Variants in ATF1 observed in about 807,000 individuals in gnomAD.
The protein encoded by ATF1 is activating transcription factor 1.
ATF1 carries 16 observed loss-of-function variants against 34.7 expected under a neutral mutation model. The observed-to-expected ratio is 0.46, with a 90% CI of 0.31 to 0.70. ATF1 has a LOEUF of 0.70. Ranked by LOEUF, ATF1 falls within the 30% of genes least tolerant of loss-of-function variation. ATF1 has a pLI of 0.05. For synonymous variants in ATF1, 105 were observed against 113.1 expected (o/e 0.93, Z 0.46); for missense variants, 255 against 321.6 (o/e 0.79, Z 1.58).
In ATF1 at chr12:50,796,023, T is replaced by G; in HGVS notation, c.194+14T>G. ...CCCATCTTACAGGTGAGTACTCTCT[T>G]GTATGAAGCCCTGCATGTTATGATA... On this transcript the variant is annotated intron_variant, in intron 3 of 6. Transcript: ENST00000262053. 1 of 1,575,452 alleles carries G rather than the reference T, an allele frequency of 6.3e-7. No homozygotes were observed. The highest frequency in any genetic ancestry group is 1.4e-5 in the African/African-American group (1 of 73,074).
At chr12:50,812,704 G>C (rs1941761628) in intron 4 of ATF1, among the ~76,000 whole-genome samples, 1 of 152,034 alleles carries the variant, frequency 6.6e-6, no homozygotes, top group Non-Finnish European at 1.5e-5. Flanking sequence ...TGCATCTATA[G>C]TTCCAGCTAC....
chr12:50,770,775 T>G (rs1378128922), intron 1 of ATF1, among the ~76,000 whole-genome samples: 1 of 152,224 alleles, frequency 6.6e-6, no homozygotes, highest in Non-Finnish European at 1.5e-5. Flanking sequence ...TTCTGCAATT[T>G]AGGCTAACCC....
chr12:50,769,767 A>G (rs1401641398), intron 1 of ATF1, among the ~76,000 whole-genome samples: 2 of 152,206 alleles, frequency 1.3e-5, no homozygotes, highest in Non-Finnish European at 2.9e-5. Context: ...TCATCCACAG[A>G]CAATTGTTGT....
intron 2 of ATF1, among the ~76,000 whole-genome samples, chr12:50,787,167 G>GTCTC (rs1941202769): frequency 6.6e-6 from 1 of 152,124 alleles, no homozygotes; most frequent in African/African-American, 2.4e-5. Context: ...ATTTACTTTA[G>GTCTC]TCTCTAGTGT....
At chr12:50,806,408 T>G (rs1350904907) in intron 3 of ATF1, 4 of 496,996 alleles carry the variant, frequency 8.0e-6, no homozygotes, top group South Asian at 4.5e-5. Context: ...AGCAGGATGC[T>G]GACAATGGTT....
intron 1 of ATF1, among the ~76,000 whole-genome samples, chr12:50,765,221 G>A (rs1013554975): frequency 9.9e-5 from 15 of 152,150 alleles, no homozygotes; most frequent in African/African-American, 3.4e-4. Flanking sequence ...GAGTTCGTAG[G>A]CATTTATGTC....
chr12:50,812,756 A>G (rs1416728383), intron 4 of ATF1, among the ~76,000 whole-genome samples: 4 of 152,078 alleles, frequency 2.6e-5, no homozygotes, highest in Non-Finnish European at 5.9e-5. Flanking sequence ...CCCAGGAGGT[A>G]GAGTGCAGTG....
chr12:50,788,280 T>A, intron 2 of ATF1: 1 of 450,392 alleles, frequency 2.2e-6, no homozygotes. Context: ...CCTCCTGTGC[T>A]CAAGCAATCC....
intron 2 of ATF1, among the ~76,000 whole-genome samples, chr12:50,794,520 G>A (rs1295516892): frequency 5.3e-5 from 8 of 151,522 alleles, no homozygotes; most frequent in East Asian, 2.0e-4. Context: ...AGCCAAGATC[G>A]TGCCACTGCA....
intron 3 of ATF1, among the ~76,000 whole-genome samples, chr12:50,799,373 G>A (rs1273973559): frequency 6.6e-6 from 1 of 152,128 alleles, no homozygotes; most frequent in Admixed American, 6.6e-5. Flanking sequence ...GACAGAACGA[G>A]TCCCTGTCCC....
At chr12:50,778,702 C>T (rs1031664302) in intron 1 of ATF1, among the ~76,000 whole-genome samples, 3 of 152,114 alleles carry the variant, frequency 2.0e-5, no homozygotes, top group Non-Finnish European at 4.4e-5. Context: ...ATTCTCGTGC[C>T]TTAGCCTCCC....
intron 2 of ATF1, among the ~76,000 whole-genome samples, chr12:50,790,964 G>C (rs975790905): frequency 7.0e-6 from 1 of 142,102 alleles, no homozygotes; most frequent in Non-Finnish European, 1.6e-5. Flanking sequence ...CTATAGTCAA[G>C]TTTTGGCTGG....
chr12:50,816,171 TA>T (rs1941839181), intron 6 of ATF1, among the ~76,000 whole-genome samples: 1 of 151,332 alleles, frequency 6.6e-6, no homozygotes, highest in Non-Finnish European at 1.5e-5. Context: ...CTACAAAAGA[TA>T]AAAAATTAGC....
chr12:50,772,958 C>T (rs1940814259), intron 1 of ATF1, among the ~76,000 whole-genome samples: 1 of 152,178 alleles, frequency 6.6e-6, no homozygotes, highest in African/African-American at 2.4e-5. Context: ...GTGTTGTTCT[C>T]CCACCATGTG....
At chr12:50,797,594 G>C (rs1342186565) in intron 3 of ATF1, among the ~76,000 whole-genome samples, 9 of 152,096 alleles carry the variant, frequency 5.9e-5, no homozygotes, top group Non-Finnish European at 7.3e-5. Context: ...TCAGCCTCCT[G>C]AGTACCTGGG....
intron 1 of ATF1, among the ~76,000 whole-genome samples, chr12:50,769,390 C>T (rs1374427486): frequency 1.3e-5 from 2 of 151,968 alleles, no homozygotes; most frequent in African/African-American, 4.8e-5. Flanking sequence ...CCTGTAGTCA[C>T]AGCTACTCGA....
chr12:50,805,391 A>C (rs1344265840), intron 3 of ATF1, among the ~76,000 whole-genome samples: 1 of 151,530 alleles, frequency 6.6e-6, no homozygotes, highest in Admixed American at 6.6e-5. Context: ...CCTTGTCACT[A>C]CAAAAAAATA....
intron 3 of ATF1, among the ~76,000 whole-genome samples, chr12:50,804,226 C>T (rs956094536): frequency 1.3e-5 from 2 of 151,786 alleles, no homozygotes; most frequent in African/African-American, 4.8e-5. Context: ...CACGAAAACA[C>T]TAATGAAAAA....
At chr12:50,800,686 G>C (rs1941494535) in intron 3 of ATF1, among the ~76,000 whole-genome samples, 1 of 152,176 alleles carries the variant, frequency 6.6e-6, no homozygotes, top group African/African-American at 2.4e-5. Flanking sequence ...TCTAATATCT[G>C]ATGATCTGAG....
Sources: gnomAD v4.1 joint callset for allele counts (sites outside exome capture counted in the v4.1 genomes callset) on GRCh38, gnomAD v4.1.1 for gene constraint, MANE v1.5 for transcripts, NCBI Gene and HGNC (gene_info 2026-07-23, HGNC 2026-07-21) for gene names.